Variants in SMG6 observed in about 807,000 individuals in gnomAD.
SMG6 encodes the protein SMG6 nonsense mediated mRNA decay factor.
SMG6 carries 66 observed loss-of-function variants against 142.2 expected under a neutral mutation model. That is an observed-to-expected ratio of 0.46 (90% confidence interval 0.38 to 0.57). The LOEUF is 0.57. Among genes scored for constraint, SMG6 ranks in the 20% least tolerant of loss-of-function variants. The probability of loss-of-function intolerance (pLI) is 0.00; values close to 1 mark genes in which losing one functional copy is unlikely to be tolerated. For missense variants in SMG6, 1,793 were observed against 1,832.0 expected (o/e 0.98, Z 0.39); for synonymous variants, 779 against 702.4 (o/e 1.11, Z -1.72).
intron 13 of SMG6, among the ~76,000 whole-genome samples, chr17:2,100,575 T>G (rs1270247898): frequency 6.6e-6 from 1 of 152,210 alleles, no homozygotes; most frequent in Non-Finnish European, 1.5e-5. Flanking sequence ...AATGTGTACT[T>G]TTAAACATTT....
At chr17:2,241,591 A>G (rs1218463695) in intron 9 of SMG6, among the ~76,000 whole-genome samples, 1 of 152,138 alleles carries the variant, frequency 6.6e-6, no homozygotes, top group African/African-American at 2.4e-5. Context: ...TCTTCTGCCT[A>G]TGTTGCCCAG....
At chr17:2,156,667 T>C (rs8064309) in intron 13 of SMG6, among the ~76,000 whole-genome samples, 54,243 of 151,808 alleles carry the variant, frequency 0.36, 10,393 homozygotes, top group African/African-American at 0.5. Flanking sequence ...TGCTTGTTTG[T>C]TTTTTGAGAC....
At chr17:2,065,917 AG>A in intron 16 of SMG6, 1 of 565,400 alleles carries the variant, frequency 1.8e-6, no homozygotes, top group Non-Finnish European at 3.2e-6. Flanking sequence ...TCCTCTTGGG[AG>A]GAACTTAAAG....
chr17:2,298,717 TAA>T lies in SMG6; in HGVS notation c.1847+187_1847+188del, dbSNP rs369010341. 5.8e-4 allele frequency among the ~76,000 whole-genome samples: 73 copies of T among 126,256 alleles called. No individual in the cohort carries two copies. The East Asian group carries it at 8.7e-3, about 15-fold the overall frequency. 82.8% of individuals were successfully genotyped at this position (126,256 alleles called of 152,430 possible). Reference sequence around the variant, plus strand: ...TGGGCGACAGAGCGAGACTCCGTCTTAAAAAAAAAAAAAAAAAAGACTAGAAA... The same window carrying T: ...TGGGCGACAGAGCGAGACTCCGTCTTAAAAAAAAAAAAAAAAGACTAGAAA... On this transcript the variant is annotated intron_variant, in intron 2 of 18. Transcript: ENST00000263073.
intron 10 of SMG6, among the ~76,000 whole-genome samples, chr17:2,194,720 A>AAAAAAG (rs2072269266): frequency 6.6e-6 from 1 of 151,584 alleles, no homozygotes; most frequent in African/African-American, 2.4e-5. Flanking sequence ...AACAAAAAAA[A>AAAAAAG]AAAGAAAGAA....
intron 10 of SMG6, among the ~76,000 whole-genome samples, chr17:2,206,216 A>G (rs996549251): frequency 2.6e-5 from 4 of 152,210 alleles, no homozygotes; most frequent in Non-Finnish European, 5.9e-5. Context: ...ACATATATAT[A>G]TAAAATTCTA....
intron 13 of SMG6, among the ~76,000 whole-genome samples, chr17:2,103,560 A>C (rs959377171): frequency 6.6e-6 from 1 of 152,156 alleles, no homozygotes; most frequent in African/African-American, 2.4e-5. Context: ...TGAAGCTTGG[A>C]AAGACTTATA....
intron 6 of SMG6, among the ~76,000 whole-genome samples, chr17:2,289,043 C>A (rs1419188121): frequency 1.4e-5 from 2 of 143,876 alleles, no homozygotes; most frequent in East Asian, 2.0e-4. Flanking sequence ...TGCGCCACTG[C>A]ACTCCAGCCT....
intron 8 of SMG6, among the ~76,000 whole-genome samples, chr17:2,258,027 A>AT (rs1488479616): frequency 0.22 from 21,354 of 99,222 alleles, 3,204 homozygotes; most frequent in Non-Finnish European, 0.28. Context: ...AAAAAAAAAA[A>AT]AAAAAAAATA....
At chr17:2,115,568 T>C (rs1356726624) in intron 13 of SMG6, among the ~76,000 whole-genome samples, 1 of 152,224 alleles carries the variant, frequency 6.6e-6, no homozygotes, top group Non-Finnish European at 1.5e-5. Context: ...ACTTATGACA[T>C]GGCATCATTG....
chr17:2,068,718 G>C lies in SMG6; in HGVS notation c.3835+60C>G. 6.4e-7 allele frequency: 1 copy of C among 1,556,760 alleles called. No homozygotes were observed. The highest frequency in any genetic ancestry group is 8.7e-7 in the Non-Finnish European group (1 of 1,143,594). ...CTGCCTGGCCCCCAGGCCGTGGGGC[G>C]TGTGTGGAGGGGGCTGCTGTGCACA... On this transcript the variant is annotated intron_variant, in intron 16 of 18. Transcript: ENST00000263073. The surrounding 1 kb of genome is among the most constrained non-coding windows in gnomAD (Gnocchi z 6.7).
At chr17:2,140,117 C>T (rs1239241901) in intron 13 of SMG6, among the ~76,000 whole-genome samples, 2 of 151,986 alleles carry the variant, frequency 1.3e-5, no homozygotes, top group Non-Finnish European at 2.9e-5. Context: ...TGCTGGAGTG[C>T]AGTAGTGAGA....
chr17:2,110,223 C>T (rs900814356), intron 13 of SMG6, among the ~76,000 whole-genome samples: 4 of 151,986 alleles, frequency 2.6e-5, no homozygotes, highest in East Asian at 1.9e-4. Context: ...GAATCAAGTA[C>T]CAGGCCAAAC....
chr17:2,116,685 T>A (rs1308637317), intron 13 of SMG6, among the ~76,000 whole-genome samples: 1 of 151,838 alleles, frequency 6.6e-6, no homozygotes, highest in Non-Finnish European at 1.5e-5. Context: ...GAGGTAGAGG[T>A]TGCAGTGAGC....
intron 13 of SMG6, among the ~76,000 whole-genome samples, chr17:2,113,296 G>T (rs561601028): frequency 2.0e-5 from 3 of 151,776 alleles, no homozygotes; most frequent in Non-Finnish European, 4.4e-5. Flanking sequence ...GATTGGACTC[G>T]AACTCCTGGG....
In SMG6 at chr17:2,228,402, T is replaced by C. The variant is rs181193129; in HGVS notation, c.2869+8090A>G. On this transcript the variant is annotated intron_variant, in intron 10 of 18. Transcript: ENST00000263073. ...TGCCACCGTGCAGGGCTAATTTTTG[T>C]ATTTTTAGTAGAGATGGGGTTTCAC... 2.6e-5 allele frequency among the ~76,000 whole-genome samples: 4 copies of C among 152,222 alleles called. No homozygotes were observed. The East Asian group carries it at 7.7e-4, about 29-fold the overall frequency.
intron 13 of SMG6, among the ~76,000 whole-genome samples, chr17:2,168,731 A>C (rs1312962623): frequency 6.6e-6 from 1 of 151,610 alleles, no homozygotes; most frequent in Non-Finnish European, 1.5e-5. Context: ...CAACAAAAAA[A>C]GTTTTTTTTG....
rs185301104 is a variant in SMG6 at position 2,168,616 on chromosome 17, G to A, written c.3357+4042C>T. Among the ~76,000 whole-genome samples the A allele has an allele frequency of 2.2e-3, 332 of 152,256 alleles. 3 individuals carry two copies. The highest frequency in any genetic ancestry group is 3.5e-3 in the Non-Finnish European group (237 of 68,006). On this transcript the variant is annotated intron_variant, in intron 13 of 18. Coordinates refer to ENST00000263073, the MANE Select transcript of SMG6 (RefSeq NM_017575.5). ...AGTATCCTCTTTTACAAAATTTGAA[G>A]GGTGTGGCTCACACCTATAATCCCA...
chr17:2,136,884 C>T (rs1488103163), intron 13 of SMG6, among the ~76,000 whole-genome samples: 1 of 152,092 alleles, frequency 6.6e-6, no homozygotes, highest in African/African-American at 2.4e-5. Context: ...TAAGGTCAGG[C>T]ATGATGGCTC....
Sources: gnomAD v4.1 joint callset for allele counts (sites outside exome capture counted in the v4.1 genomes callset) on GRCh38, gnomAD v4.1.1 for gene constraint, Gnocchi (gnomAD v3.1) non-coding constraint, MANE v1.5 for transcripts, NCBI Gene and HGNC (gene_info 2026-07-23, HGNC 2026-07-21) for gene names.